SOX5: variants seen among roughly 807,000 people sequenced by gnomAD.
The protein encoded by SOX5 is transcription factor SOX-5.
In SOX5, 9 loss-of-function variants were observed where a neutral mutation model predicts 92.0. The observed-to-expected ratio is 0.10, with a 90% confidence interval of 0.06 to 0.17. SOX5 has a LOEUF of 0.17. Ranked by LOEUF, SOX5 falls within the 10% of genes least tolerant of loss-of-function variation. The pLI, the probability that SOX5 is intolerant of heterozygous loss-of-function variation, is 1.00. For synonymous variants in SOX5, 344 were observed against 336.3 expected, an observed-to-expected ratio of 1.02 and a Z score of -0.25; for missense variants, 642 against 944.5, an observed-to-expected ratio of 0.68 and a Z score of 4.20.
intron 2 of SOX5, among the ~76,000 whole-genome samples, chr12:24,356,555 T>A (rs1327640106): frequency 6.6e-6 from 1 of 152,172 alleles, no homozygotes; most frequent in Admixed American, 6.5e-5. Flanking sequence ...CATTCATCTC[T>A]TCTGCCAAAC....
At position 23,553,303 on chromosome 12, in the gene SOX5, C is replaced by A. The variant is rs376591534; in HGVS notation, c.1489-6879G>T. 2.6e-5 allele frequency among the ~76,000 whole-genome samples: 4 copies of A among 152,134 alleles called. No individual in the cohort carries two copies. The East Asian group carries it at 5.8e-4, about 22-fold the overall frequency. ...AGGTACTTTGTTAAAGACACACTTACACGTCCCCATTCAACATTATGAATT... is the reference window on the plus strand; with the variant it reads ...AGGTACTTTGTTAAAGACACACTTAAACGTCCCCATTCAACATTATGAATT... On this transcript the variant is annotated intron_variant, in intron 11 of 14. Coordinates refer to ENST00000451604, the MANE Select transcript of SOX5 (RefSeq NM_006940.6).
At chr12:23,681,111 C>A (rs1593232385) in intron 6 of SOX5, among the ~76,000 whole-genome samples, 1 of 151,826 alleles carries the variant, frequency 6.6e-6, no homozygotes, top group Non-Finnish European at 1.5e-5. Context: ...GAGCTCAATT[C>A]AACAATATTA....
chr12:24,404,446 T>C (rs1962461035), intron 1 of SOX5, among the ~76,000 whole-genome samples: 1 of 152,186 alleles, frequency 6.6e-6, no homozygotes, highest in African/African-American at 2.4e-5. Context: ...ATGATGGTGA[T>C]AGATTGGACC....
chr12:23,963,331 T>TCAAAGAAG (rs1211072586), intron 4 of SOX5, among the ~76,000 whole-genome samples: 3 of 152,210 alleles, frequency 2.0e-5, no homozygotes, highest in African/African-American at 7.2e-5. Context: ...GAGACATCAC[T>TCAAAGAAG]TATGTTCTAT....
chr12:24,175,650 T>C (rs1954726325), intron 4 of SOX5, among the ~76,000 whole-genome samples: 2 of 152,358 alleles, frequency 1.3e-5, no homozygotes, highest in East Asian at 1.9e-4. Context: ...TAGATCTATA[T>C]ACCTCTATCC....
intron 4 of SOX5, among the ~76,000 whole-genome samples, chr12:23,973,868 G>A (rs144630429): frequency 4.1e-4 from 63 of 152,198 alleles, no homozygotes; most frequent in African/African-American, 1.4e-3. Flanking sequence ...TCTAGGTTGC[G>A]CGCTCATATG....
chr12:24,323,993 T>C (rs1950445579), intron 2 of SOX5, among the ~76,000 whole-genome samples: 2 of 152,174 alleles, frequency 1.3e-5, no homozygotes, highest in African/African-American at 2.4e-5. Flanking sequence ...GTATAAACAA[T>C]GTCTGCCACA....
intron 2 of SOX5, among the ~76,000 whole-genome samples, chr12:24,352,518 AG>A (rs1954214713): frequency 6.6e-6 from 1 of 152,150 alleles, no homozygotes; most frequent in South Asian, 2.1e-4. Flanking sequence ...TAGAGGTGAG[AG>A]CCATGCTGTA....
intron 2 of SOX5, among the ~76,000 whole-genome samples, chr12:24,318,340 G>A (rs1445970771): frequency 2.0e-5 from 3 of 152,196 alleles, no homozygotes; most frequent in Non-Finnish European, 4.4e-5. Context: ...TGGGTAGGAT[G>A]CATGCCTTTC....
At chr12:23,696,513 T>G (rs1490333205) in intron 6 of SOX5, among the ~76,000 whole-genome samples, 1 of 152,192 alleles carries the variant, frequency 6.6e-6, no homozygotes, top group African/African-American at 2.4e-5. Context: ...TTTTATTTCC[T>G]GAATTGTCTA....
In SOX5 at chr12:24,455,871, T is replaced by G. The variant is rs1008669973; in HGVS notation, c.-250-87232A>C. On this transcript the variant is annotated intron_variant, in intron 1 of 4. Coordinates refer to the SOX5 transcript ENST00000446891. ...ACTGCCCACAGTAGAATGACTGTCC[T>G]ACAAAGCGTCTAGGAGTAGAGAGGC... Among the ~76,000 whole-genome samples, 3 of 152,132 alleles carry G rather than the reference T, an allele frequency of 2.0e-5. No individual in the cohort carries two copies. The South Asian group carries it at 6.2e-4, about 32-fold the overall frequency.
At chr12:23,577,520 G>T (rs976204640) in intron 9 of SOX5, among the ~76,000 whole-genome samples, 2 of 151,632 alleles carry the variant, frequency 1.3e-5, no homozygotes, top group African/African-American at 4.8e-5. Flanking sequence ...TTTTTAAGTG[G>T]CTTAATATTA....
intron 4 of SOX5, among the ~76,000 whole-genome samples, chr12:23,994,114 C>A (rs907486411): frequency 1.3e-5 from 2 of 151,778 alleles, no homozygotes; most frequent in African/African-American, 4.8e-5. Context: ...CAGAGCAAGA[C>A]CTTGTCTCCA....
chr12:23,967,788 T>C (rs1292548558), intron 4 of SOX5, among the ~76,000 whole-genome samples: 1 of 152,202 alleles, frequency 6.6e-6, no homozygotes, highest in Non-Finnish European at 1.5e-5. Flanking sequence ...CCTTAGTTTT[T>C]CCTGTCTGTA....
At chr12:24,326,485 T>C (rs1370484289) in intron 2 of SOX5, among the ~76,000 whole-genome samples, 1 of 152,182 alleles carries the variant, frequency 6.6e-6, no homozygotes, top group Non-Finnish European at 1.5e-5. Flanking sequence ...TACTAGACTG[T>C]AAGCTTCTTT....
chr12:23,659,304 A>G (rs560748607), intron 7 of SOX5, among the ~76,000 whole-genome samples: 1 of 152,316 alleles, frequency 6.6e-6, no homozygotes, highest in Non-Finnish European at 1.5e-5. Flanking sequence ...TTTAACTCCT[A>G]AACATTAATT....
At chr12:23,707,400 C>T (rs7134506) in intron 6 of SOX5, among the ~76,000 whole-genome samples, 66,845 of 151,966 alleles carry the variant, frequency 0.44, 15,040 homozygotes, top group African/African-American at 0.48. Context: ...CTTGGCCATC[C>T]TGAGTGAATT....
intron 4 of SOX5, among the ~76,000 whole-genome samples, chr12:23,752,643 G>A (rs1160444297): frequency 6.6e-6 from 1 of 151,608 alleles, no homozygotes; most frequent in Non-Finnish European, 1.5e-5. Flanking sequence ...TTCTCCCTCC[G>A]CACTCAATAA....
At position 24,106,165 on chromosome 12, in the gene SOX5, C is replaced by T. The variant is rs1485869349; in HGVS notation, c.-2+107178G>A. Among the ~76,000 whole-genome samples, 6 of 150,552 alleles carry T rather than the reference C, an allele frequency of 4.0e-5. No individual in the cohort carries two copies. In the East Asian group the frequency reaches 7.8e-4, roughly 19 times the overall value. On this transcript the variant is annotated intron_variant, in intron 4 of 4. Transcript: ENST00000446891. ...GGAATGAGAGACTATATTTGCAATGCGTGTATCACACAAACTGGTAATTAG... is the reference window on the plus strand; with the variant it reads ...GGAATGAGAGACTATATTTGCAATGTGTGTATCACACAAACTGGTAATTAG...
Sources: allele counts gnomAD v4.1 joint callset (sites outside exome capture counted in the v4.1 genomes callset), GRCh38; gene constraint gnomAD v4.1.1; transcripts MANE v1.5; gene names NCBI Gene and HGNC (gene_info 2026-07-23, HGNC 2026-07-21).